The following LRCH1 variants were observed in gnomAD, a reference collection of about 807,000 sequenced individuals.
The protein encoded by LRCH1 is leucine rich repeats and calponin homology domain containing 1.
In LRCH1, 23 loss-of-function variants were observed where a neutral mutation model predicts 94.9. That is an observed-to-expected ratio of 0.24 (90% CI 0.17 to 0.34). The LOEUF (loss-of-function observed/expected upper bound fraction) is 0.34, where lower values mean the gene tolerates loss of function less well. Ranked by LOEUF, LRCH1 falls within the 10% of genes least tolerant of loss-of-function variation. The pLI is 1.00. For synonymous variants in LRCH1, 364 were observed against 354.9 expected (o/e 1.03, Z -0.29); for missense variants, 790 against 945.9 (o/e 0.84, Z 2.16).
At chr13:46,693,867 A>G (rs1470034730) in intron 8 of LRCH1, among the ~76,000 whole-genome samples, 1 of 152,198 alleles carries the variant, frequency 6.6e-6, no homozygotes, top group African/African-American at 2.4e-5. Flanking sequence ...GCAGAACTGG[A>G]TTAATATACA....
intron 1 of LRCH1, among the ~76,000 whole-genome samples, chr13:46,639,565 G>A (rs1341709070): frequency 6.6e-6 from 1 of 152,176 alleles, no homozygotes; most frequent in Non-Finnish European, 1.5e-5. Flanking sequence ...GAGCTCTAAA[G>A]CCTCACAGTG....
intron 1 of LRCH1, among the ~76,000 whole-genome samples, chr13:46,625,215 G>C (rs1442951049): frequency 2.6e-5 from 4 of 152,216 alleles, no homozygotes; most frequent in Non-Finnish European, 5.9e-5. Flanking sequence ...CGTGTTAGCA[G>C]TACCCTCTTC....
chr13:46,633,478 G>C (rs1271498084), intron 1 of LRCH1, among the ~76,000 whole-genome samples: 1 of 152,206 alleles, frequency 6.6e-6, no homozygotes, highest in Non-Finnish European at 1.5e-5. Flanking sequence ...TTGGGGCAGA[G>C]TGCCATAGTG....
chr13:46,604,951 A>G (rs150506433), intron 1 of LRCH1, among the ~76,000 whole-genome samples: 536 of 152,314 alleles, frequency 3.5e-3, no homozygotes, highest in Middle Eastern at 0.01. Flanking sequence ...GGTATAATGA[A>G]CAAAAGCTTA....
intron 19 of LRCH1, among the ~76,000 whole-genome samples, chr13:46,740,256 G>A (rs944461161): frequency 1.3e-5 from 2 of 152,120 alleles, no homozygotes; most frequent in African/African-American, 4.8e-5. Flanking sequence ...CCTAACAGTG[G>A]TAGCTTGATT....
intron 1 of LRCH1, among the ~76,000 whole-genome samples, chr13:46,643,133 T>G (rs71432926): frequency 6.6e-6 from 1 of 152,222 alleles, no homozygotes; most frequent in Admixed American, 6.5e-5. Flanking sequence ...CTGTACCTTT[T>G]CACAGCCCCT....
chr13:46,742,660 T>C lies in LRCH1; in HGVS notation c.*812T>C. On this transcript the variant is annotated 3_prime_UTR_variant, in exon 20 of 20. Coordinates refer to ENST00000389797, the MANE Select transcript of LRCH1 (RefSeq NM_001164211.2). ...TTAGAAAAGCGTTTTCCAGAGAGATTTCTATTTTTGAACAATGGAACGGAT... is the reference window on the plus strand; with the variant it reads ...TTAGAAAAGCGTTTTCCAGAGAGATCTCTATTTTTGAACAATGGAACGGAT... 1 of 985,400 alleles carries C rather than the reference T, an allele frequency of 1.0e-6. No individual in the cohort carries two copies. The highest frequency in any genetic ancestry group is 1.2e-6 in the Non-Finnish European group (1 of 829,922). 61.0% of individuals were successfully genotyped at this position (985,400 alleles called of 1,614,324 possible).
At chr13:46,632,121 T>G (rs1008918422) in intron 1 of LRCH1, among the ~76,000 whole-genome samples, 12 of 152,210 alleles carry the variant, frequency 7.9e-5, no homozygotes, top group African/African-American at 2.4e-4. Flanking sequence ...CAGAATTGTT[T>G]GAACCTGGGA....
intron 18 of LRCH1, 96 bp from the exon 19 acceptor site, chr13:46,733,825 A>G (rs756350576): frequency 7.5e-5 from 50 of 669,602 alleles, no homozygotes; most frequent in South Asian, 5.1e-4. Context: ...ATAAACATGT[A>G]TTGCTTGTGC....
At chr13:46,629,325 C>T (rs2050990964) in intron 1 of LRCH1, among the ~76,000 whole-genome samples, 1 of 152,144 alleles carries the variant, frequency 6.6e-6, no homozygotes, top group African/African-American at 2.4e-5. Flanking sequence ...TTTTAAATCT[C>T]ACCTGTTATT....
At chr13:46,642,188 G>C (rs757054877) in intron 1 of LRCH1, among the ~76,000 whole-genome samples, 1 of 152,226 alleles carries the variant, frequency 6.6e-6, no homozygotes, top group Non-Finnish European at 1.5e-5. Context: ...CTTACTTTTA[G>C]TACAGAGCTA....
downstream of LRCH1, among the ~76,000 whole-genome samples, chr13:46,746,306 A>G (rs1873906681): frequency 6.6e-6 from 1 of 152,162 alleles, no homozygotes; most frequent in African/African-American, 2.4e-5. Context: ...GGCACATAGG[A>G]GGTAGCCCAG....
At chr13:46,638,241 A>T (rs1429652050) in intron 1 of LRCH1, among the ~76,000 whole-genome samples, 1 of 152,218 alleles carries the variant, frequency 6.6e-6, no homozygotes, top group Non-Finnish European at 1.5e-5. Flanking sequence ...CATTAAATAT[A>T]TTACAGTAGC....
At chr13:46,638,681 C>A (rs1484080944) in intron 1 of LRCH1, among the ~76,000 whole-genome samples, 1 of 152,182 alleles carries the variant, frequency 6.6e-6, no homozygotes, top group Non-Finnish European at 1.5e-5. Flanking sequence ...GTTAGAGGGA[C>A]AATAATTTTA....
chr13:46,616,612 A>G (rs972441570), intron 1 of LRCH1, among the ~76,000 whole-genome samples: 2 of 152,276 alleles, frequency 1.3e-5, no homozygotes, highest in East Asian at 3.8e-4. Context: ...AATCATTCGT[A>G]AAACACACCC....
chr13:46,622,776 A>G (rs907358835), intron 1 of LRCH1, among the ~76,000 whole-genome samples: 1 of 152,284 alleles, frequency 6.6e-6, no homozygotes, highest in Non-Finnish European at 1.5e-5. Context: ...AATTTAAACA[A>G]CATGACAGTC....
intron 16 of LRCH1, 123 bp from the exon 17 acceptor site, chr13:46,723,098 C>T (rs1872658317): frequency 3.7e-6 from 2 of 536,564 alleles, no homozygotes; most frequent in Admixed American, 7.2e-5. Flanking sequence ...TTTGGAATTT[C>T]TTTGTTTCTT....
At chr13:46,619,523 C>T (rs1227191122) in intron 1 of LRCH1, among the ~76,000 whole-genome samples, 1 of 152,224 alleles carries the variant, frequency 6.6e-6, no homozygotes, top group Non-Finnish European at 1.5e-5. Flanking sequence ...TTCAGTAAAA[C>T]AGTCTCAAAG....
chr13:46,669,748 C>CT (rs916494075), intron 3 of LRCH1, among the ~76,000 whole-genome samples: 3 of 152,064 alleles, frequency 2.0e-5, no homozygotes, highest in African/African-American at 7.3e-5. Flanking sequence ...ATTATTTACC[C>CT]TTTTTCTAAA....
Sources: gnomAD v4.1 joint callset for allele counts (sites outside exome capture counted in the v4.1 genomes callset) on GRCh38, gnomAD v4.1.1 for gene constraint, MANE v1.5 for transcripts, NCBI Gene and HGNC (gene_info 2026-07-23, HGNC 2026-07-21) for gene names.